The following LPGAT1 variants were observed in gnomAD, a reference collection of about 807,000 sequenced individuals.
The protein encoded by LPGAT1 is lysophosphatidylglycerol acyltransferase 1.
Under a neutral mutation model 47.5 loss-of-function variants are expected in LPGAT1, and 11 were observed. The observed-to-expected ratio is 0.23, with a 90% CI of 0.15 to 0.38. The LOEUF (loss-of-function observed/expected upper bound fraction) is 0.38, where lower values mean the gene tolerates loss of function less well. Among genes scored for constraint, LPGAT1 ranks in the 10% least tolerant of loss-of-function variants. The probability of loss-of-function intolerance (pLI) is 1.00; values close to 1 mark genes in which losing one functional copy is unlikely to be tolerated. For missense variants in LPGAT1, 293 were observed against 439.0 expected (o/e 0.67, Z 2.97); for synonymous variants, 138 against 144.2 (o/e 0.96, Z 0.31).
At chr1:211,775,159 A>G (rs1436588479) in intron 6 of LPGAT1, among the ~76,000 whole-genome samples, 1 of 152,150 alleles carries the variant, frequency 6.6e-6, no homozygotes, top group Non-Finnish European at 1.5e-5. Flanking sequence ...TATTATAGAA[A>G]AATAAAATCT....
chr1:211,784,977 T>TG (rs1658810222), intron 4 of LPGAT1, among the ~76,000 whole-genome samples: 1 of 151,928 alleles, frequency 6.6e-6, no homozygotes, highest in African/African-American at 2.4e-5. Context: ...CTAATTTTTT[T>TG]TGTTTTTAGT....
rs1656908533 is a variant in LPGAT1 at position 211,745,535 on chromosome 1, G to A, written c.*4364C>T. 1 of 152,154 alleles carries A rather than the reference G, an allele frequency of 6.6e-6. No individual in the cohort carries two copies. Among genetic ancestry groups the A allele is most frequent in the East Asian group, 1.9e-4 (1 of 5,196 alleles). The allele number at this position is 152,154 out of a possible 1,614,324, so 9.4% of individuals were successfully genotyped here. Reference sequence around the variant, plus strand: ...TGCAACTAGAATACACTTAAAAAACGTTTGCTCTTTAAACTGTCTTAAAAA... The same window carrying A: ...TGCAACTAGAATACACTTAAAAAACATTTGCTCTTTAAACTGTCTTAAAAA... On this transcript the variant is annotated 3_prime_UTR_variant, in exon 8 of 8. Transcript: ENST00000366997.
At chr1:211,792,804 C>T (rs946927301) in intron 3 of LPGAT1, among the ~76,000 whole-genome samples, 1 of 148,664 alleles carries the variant, frequency 6.7e-6, no homozygotes, top group Non-Finnish European at 1.5e-5. Flanking sequence ...TTCTGCCTCC[C>T]GGGTTCAAGC....
chr1:211,781,096 G>A (rs2102535038), intron 5 of LPGAT1, among the ~76,000 whole-genome samples: 1 of 152,162 alleles, frequency 6.6e-6, no homozygotes, highest in East Asian at 1.9e-4. Context: ...AAATGCAAAA[G>A]AAAATAAAAT....
At chr1:211,774,006 A>G (rs1658282893) in intron 6 of LPGAT1, among the ~76,000 whole-genome samples, 1 of 152,146 alleles carries the variant, frequency 6.6e-6, no homozygotes, top group South Asian at 2.1e-4. Context: ...AAAGTAATAA[A>G]TGGCTGAGAT....
intron 2 of LPGAT1, among the ~76,000 whole-genome samples, chr1:211,808,720 T>C (rs979282949): frequency 6.6e-6 from 1 of 152,208 alleles, no homozygotes; most frequent in Non-Finnish European, 1.5e-5. Context: ...CACTTCTGGA[T>C]ATTTACCCTG....
intron 3 of LPGAT1, among the ~76,000 whole-genome samples, chr1:211,789,091 A>G (rs935627922): frequency 6.6e-6 from 1 of 152,218 alleles, no homozygotes; most frequent in South Asian, 2.1e-4. Flanking sequence ...CTGATTCCTC[A>G]ATCAATTAAT....
intron 6 of LPGAT1, among the ~76,000 whole-genome samples, chr1:211,769,036 C>T (rs1658055185): frequency 6.6e-6 from 1 of 152,134 alleles, no homozygotes. Flanking sequence ...TCTAAGACTT[C>T]AGGGGTTTTT....
chr1:211,784,847 AG>A (rs1658793790), intron 4 of LPGAT1, among the ~76,000 whole-genome samples: 1 of 140,380 alleles, frequency 7.1e-6, no homozygotes, highest in South Asian at 2.2e-4. Context: ...TCTGTTGCCC[AG>A]GCTGGAGTGC....
intron 2 of LPGAT1, among the ~76,000 whole-genome samples, chr1:211,827,261 C>T (rs1008256606): frequency 3.1e-4 from 47 of 152,058 alleles, no homozygotes; most frequent in Non-Finnish European, 1.2e-4. Context: ...CAGATCATGC[C>T]AAGACCACAT....
At chr1:211,765,405 A>T (rs1198542991) in intron 6 of LPGAT1, among the ~76,000 whole-genome samples, 1 of 152,234 alleles carries the variant, frequency 6.6e-6, no homozygotes, top group Admixed American at 6.5e-5. Flanking sequence ...CATTTCTCAG[A>T]TTCAATGACT....
chr1:211,749,674 T>C lies in LPGAT1; in HGVS notation c.*225A>G. 2.1e-6 allele frequency: 1 copy of C among 474,034 alleles called. No homozygotes were observed. The highest frequency in any genetic ancestry group is 3.7e-6 in the Non-Finnish European group (1 of 270,028). 29.4% of individuals were successfully genotyped at this position (474,034 alleles called of 1,614,324 possible). On this transcript the variant is annotated 3_prime_UTR_variant, in exon 8 of 8. Coordinates refer to ENST00000366997, the MANE Select transcript of LPGAT1 (RefSeq NM_014873.3). ...GTTTGCTTAAATATGTGATAGAGTGTATCTTTTTAAAACATGTTCTTAAAA... is the reference window on the plus strand; with the variant it reads ...GTTTGCTTAAATATGTGATAGAGTGCATCTTTTTAAAACATGTTCTTAAAA...
At chr1:211,768,774 A>AT (rs1167870601) in intron 6 of LPGAT1, among the ~76,000 whole-genome samples, 1 of 152,222 alleles carries the variant, frequency 6.6e-6, no homozygotes, top group African/African-American at 2.4e-5. Flanking sequence ...CCTCTTAAGC[A>AT]TATTAGACTG....
At chr1:211,789,954 T>C (rs115819907) in intron 3 of LPGAT1, among the ~76,000 whole-genome samples, 4,578 of 151,848 alleles carry the variant, frequency 0.03, 92 homozygotes, top group South Asian at 0.11. Context: ...TGAGTAAACA[T>C]AAGCTGCCTA....
At chr1:211,760,537 CATAAG>C (rs199628434) in intron 6 of LPGAT1, among the ~76,000 whole-genome samples, 6,479 of 152,008 alleles carry the variant, frequency 0.043, 187 homozygotes, top group South Asian at 0.12. Context: ...CATTCTGAAT[CATAAG>C]ATAAGTATCT....
chr1:211,779,965 G>A (rs998045581), intron 5 of LPGAT1, among the ~76,000 whole-genome samples: 2 of 152,104 alleles, frequency 1.3e-5, no homozygotes, highest in Non-Finnish European at 2.9e-5. Flanking sequence ...ATCACCTGAG[G>A]TAGGAAGTTC....
At chr1:211,751,230 T>C (rs1338835327) in intron 6 of LPGAT1, among the ~76,000 whole-genome samples, 163 bp from the exon 7 acceptor site, 4 of 152,226 alleles carry the variant, frequency 2.6e-5, no homozygotes, top group Admixed American at 6.5e-5. Flanking sequence ...TTATTAAAAA[T>C]TGTTGATTAC....
rs773785954 is a variant in LPGAT1, at chr1:211,747,837, A to G, written c.*2062T>C. On this transcript the variant is annotated 3_prime_UTR_variant, in exon 8 of 8. Transcript: ENST00000366997. Reference sequence around the variant, plus strand: ...TTTATTCACCGACACTGTAGAACACATAATGAAATGCTTAGATTTAAAAAA... The same window carrying G: ...TTTATTCACCGACACTGTAGAACACGTAATGAAATGCTTAGATTTAAAAAA... The G allele has an allele frequency of 6.6e-6, 1 of 152,662 alleles. No homozygotes were observed. The highest frequency in any genetic ancestry group is 1.5e-5 in the Non-Finnish European group (1 of 68,046). 9.5% of individuals were successfully genotyped at this position (152,662 alleles called of 1,614,324 possible).
chr1:211,780,327 G>T (rs1244590121), intron 5 of LPGAT1, among the ~76,000 whole-genome samples: 1 of 152,192 alleles, frequency 6.6e-6, no homozygotes, highest in African/African-American at 2.4e-5. Context: ...AGAGAGGATG[G>T]TAAGTTCTGC....
Sources: allele counts gnomAD v4.1 joint callset (sites outside exome capture counted in the v4.1 genomes callset), GRCh38; gene constraint gnomAD v4.1.1; transcripts MANE v1.5; gene names NCBI Gene and HGNC (gene_info 2026-07-23, HGNC 2026-07-21).